The following HERC2 variants were observed in gnomAD, a reference collection of about 807,000 sequenced individuals.
The protein encoded by HERC2 is HECT and RLD domain containing E3 ubiquitin protein ligase 2, also known as E3 ubiquitin-protein ligase HERC2.
HERC2 carries 102 observed loss-of-function variants against 537.7 expected under a neutral mutation model. The ratio of observed to expected loss-of-function variants is 0.19; its 90% CI spans 0.16 to 0.22. HERC2 has a LOEUF of 0.22. HERC2 is among the 10% of genes least tolerant of loss of function. The pLI is 1.00. For synonymous variants in HERC2, 2,224 were observed against 2,466.2 expected, an observed-to-expected ratio of 0.90 and a Z score of 2.91; for missense variants, 4,236 against 6,198.2, an observed-to-expected ratio of 0.68 and a Z score of 10.63.
At chr15:28,174,307 C>T (rs1171110600) in intron 65 of HERC2, 88 bp downstream of exon 65, 11 of 954,568 alleles carry the variant, frequency 1.2e-5, no homozygotes, top group Admixed American at 2.7e-5. Context: ...GCACTACAAC[C>T]TCTAATTGTG....
chr15:28,240,275 G>A (rs566773141), intron 23 of HERC2, among the ~76,000 whole-genome samples: 12 of 152,180 alleles, frequency 7.9e-5, no homozygotes, highest in Non-Finnish European at 1.3e-4. Context: ...AAAATTAGCC[G>A]GGCGTGGTGG....
chr15:28,227,411 A>C (rs1901307634), intron 35 of HERC2, among the ~76,000 whole-genome samples: 2 of 151,854 alleles, frequency 1.3e-5, no homozygotes, highest in African/African-American at 4.8e-5. Flanking sequence ...GCAAATCAAA[A>C]TCACAATGAG....
chr15:28,277,643 C>T (rs999668024), intron 5 of HERC2, among the ~76,000 whole-genome samples: 1 of 152,158 alleles, frequency 6.6e-6, no homozygotes, highest in African/African-American at 2.4e-5. Context: ...AAACACACAA[C>T]AGTGCTTGGA....
At chr15:28,190,174 A>G (rs1451498809) in intron 55 of HERC2, 1 of 139,202 alleles carries the variant, frequency 7.2e-6, no homozygotes, top group Non-Finnish European at 1.5e-5. Context: ...ACGCCCGGCT[A>G]ATTTTTTTTT....
chr15:28,130,700 T>C (rs1890019432), intron 81 of HERC2, 106 bp from the exon 82 acceptor site: 2 of 839,676 alleles, frequency 2.4e-6, no homozygotes, highest in African/African-American at 1.7e-5. Flanking sequence ...TGAAAACTTG[T>C]ACCCATGATG....
At chr15:28,249,373 C>T (rs1046240952) in intron 20 of HERC2, among the ~76,000 whole-genome samples, 31 of 152,286 alleles carry the variant, frequency 2.0e-4, no homozygotes, top group African/African-American at 7.5e-4. Flanking sequence ...GTAGAAGAGG[C>T]TCCAGTTCCA....
intron 92 of HERC2, among the ~76,000 whole-genome samples, chr15:28,112,673 C>T (rs1340739723): frequency 6.6e-6 from 1 of 152,120 alleles, no homozygotes; most frequent in African/African-American, 2.4e-5. Flanking sequence ...TGACCACCGG[C>T]CCACAGAGTT....
intron 50 of HERC2, among the ~76,000 whole-genome samples, chr15:28,197,281 CAT>C (rs547108981): frequency 4.9e-4 from 74 of 152,268 alleles, no homozygotes; most frequent in African/African-American, 1.7e-3. Context: ...AAACTATACA[CAT>C]ACTTATTTCT....
intron 30 of HERC2, among the ~76,000 whole-genome samples, chr15:28,231,263 AG>A (rs1901809817): frequency 6.6e-6 from 1 of 152,186 alleles, no homozygotes; most frequent in African/African-American, 2.4e-5. Context: ...CAAATTCCCA[AG>A]GAAGGTCTGT....
At chr15:28,232,953 T>C (rs1267154258) in intron 30 of HERC2, among the ~76,000 whole-genome samples, 193 bp downstream of exon 30, 1 of 152,226 alleles carries the variant, frequency 6.6e-6, no homozygotes. Flanking sequence ...TCCTAAACTG[T>C]CTCATTGTCT....
intron 9 of HERC2, among the ~76,000 whole-genome samples, chr15:28,271,817 G>A (rs555520662): frequency 6.6e-6 from 1 of 152,288 alleles, no homozygotes; most frequent in South Asian, 2.1e-4. Flanking sequence ...CCAGGGCCCC[G>A]CACGCCTGCT....
chr15:28,187,333 TG>T (rs370808155), intron 55 of HERC2, among the ~76,000 whole-genome samples: 3 of 151,858 alleles, frequency 2.0e-5, no homozygotes, highest in African/African-American at 7.3e-5. Flanking sequence ...TTTTTTTTTT[TG>T]TTTTTTTGTT....
intron 55 of HERC2, among the ~76,000 whole-genome samples, chr15:28,189,507 T>C (rs1212661546): frequency 4.6e-5 from 7 of 152,250 alleles, no homozygotes; most frequent in Admixed American, 3.3e-4. Flanking sequence ...TTCAATATTA[T>C]CTTTCATTTT....
At position 28,192,793 on chromosome 15, in the gene HERC2, G is replaced by A. The variant is rs563172840; in HGVS notation, c.8261-642C>T. ...CGACACATAGCATTTTGACAGCCTC[G>A]TGAAGGGAAGGGAAAGGAATGGGGT... On this transcript the variant is annotated intron_variant, in intron 52 of 92. Transcript: ENST00000261609. Among the ~76,000 whole-genome samples, 3 of 152,272 alleles carry A rather than the reference G, an allele frequency of 2.0e-5. No homozygotes were observed. In the South Asian group the frequency reaches 6.2e-4, roughly 32 times the overall value.
In HERC2 at chr15:28,314,671, A is replaced by G. The variant is rs1160288550; in HGVS notation, c.72+6691T>C. 3.9e-5 allele frequency among the ~76,000 whole-genome samples: 6 copies of G among 152,156 alleles called. No individual in the cohort carries two copies. In the East Asian group the frequency reaches 5.8e-4, roughly 15 times the overall value. On this transcript the variant is annotated intron_variant, in intron 2 of 92. Transcript: ENST00000261609. ...GGAGTTCAAGACCAGCCTGGCCAAC[A>G]TGATGAAACCCCGTCTCTACTAAAA...
At chr15:28,169,427 AC>A in intron 66 of HERC2, 56 bp downstream of exon 66, 3 of 1,321,294 alleles carry the variant, frequency 2.3e-6, no homozygotes, top group Non-Finnish European at 3.2e-6. Context: ...AAAAAAAATC[AC>A]AAAAATGTGA....
chr15:28,316,660 C>G (rs2077094900), intron 2 of HERC2, among the ~76,000 whole-genome samples: 4 of 152,190 alleles, frequency 2.6e-5, no homozygotes, highest in Admixed American at 2.0e-4. Context: ...TCAATGAAGA[C>G]TCCCATGTTT....
intron 71 of HERC2, among the ~76,000 whole-genome samples, chr15:28,145,777 C>G (rs139266323): frequency 6.6e-6 from 1 of 152,184 alleles, no homozygotes; most frequent in South Asian, 2.1e-4. Flanking sequence ...CACCCAAAGA[C>G]GGTCCTGACC....
chr15:28,179,271 T>A, intron 57 of HERC2, 48 bp from the exon 58 acceptor site: 1 of 1,376,214 alleles, frequency 7.3e-7, no homozygotes, highest in Non-Finnish European at 1.0e-6. Context: ...AAAATTTTAC[T>A]TGCATGTTTA....
Sources: allele counts gnomAD v4.1 joint callset (sites outside exome capture counted in the v4.1 genomes callset), GRCh38; gene constraint gnomAD v4.1.1; transcripts MANE v1.5; gene names NCBI Gene and HGNC (gene_info 2026-07-23, HGNC 2026-07-21).